The following PCAT7 variants were observed in gnomAD, a reference collection of about 807,000 sequenced individuals.
PCAT7 encodes the protein prostate cancer associated transcript 7 (non-protein coding).
At chr9:94,556,132 AACAG>A (rs1200015030) in intron 1 of PCAT7, among the ~76,000 whole-genome samples, 2 of 150,210 alleles carry the variant, frequency 1.3e-5, no homozygotes, top group East Asian at 4.0e-4. Context: ...CGATGAGGAA[AACAG>A]TTTTTGGGTA....
intron 2 of PCAT7, chr9:94,571,369 G>T: frequency 7.7e-7 from 1 of 1,297,548 alleles, no homozygotes; most frequent in Non-Finnish European, 1.0e-6. Context: ...ACAAGTATTA[G>T]GAATAACCAG....
intron 2 of PCAT7, chr9:94,567,288 C>G: frequency 1.2e-6 from 2 of 1,614,204 alleles, no homozygotes; most frequent in Non-Finnish European, 1.7e-6. Context: ...ATTTCTTTTT[C>G]TGCACATATT....
At chr9:94,555,341 T>C (rs1826992397) in intron 1 of PCAT7, 1 of 151,054 alleles carries the variant, frequency 6.6e-6, no homozygotes, top group African/African-American at 2.4e-5. Context: ...TTGGGATAGA[T>C]AGAGGTGGGT....
chr9:94,567,066 T>C (rs890475822), intron 2 of PCAT7, among the ~76,000 whole-genome samples: 1 of 152,198 alleles, frequency 6.6e-6, no homozygotes, highest in Non-Finnish European at 1.5e-5. Context: ...AATGTAAAGA[T>C]AAGTACTACC....
rs111617337 is a variant in PCAT7 at position 94,567,300 on chromosome 9, A to G, written n.442-5679A>G. ...GGAATTTCTTTTTCTGCACATATTC[A>G]GTGGTGGCCGCATCAAAATACTTGG... On this transcript the variant is annotated intron_variant and non_coding_transcript_variant, in intron 2 of 8. Transcript: ENST00000647389. 4.5e-3 allele frequency: 7,256 copies of G among 1,614,134 alleles called. 251 individuals carry two copies. The African/African-American group carries it at 0.078, about 17-fold the overall frequency.
intron 1 of PCAT7, among the ~76,000 whole-genome samples, chr9:94,557,045 C>T (rs1375182932): frequency 6.6e-6 from 1 of 152,120 alleles, no homozygotes; most frequent in Non-Finnish European, 1.5e-5. Context: ...CTATGTCTGT[C>T]TGTCTCATTC....
At chr9:94,570,398 A>G (rs905647547) in intron 2 of PCAT7, 6 of 152,178 alleles carry the variant, frequency 3.9e-5, no homozygotes, top group Non-Finnish European at 8.8e-5. Flanking sequence ...TCTACGCCTC[A>G]CTTTCCCCAT....
chr9:94,574,425 T>G (rs1484395718), intron 3 of PCAT7, among the ~76,000 whole-genome samples: 1 of 152,144 alleles, frequency 6.6e-6, no homozygotes, highest in East Asian at 1.9e-4. Context: ...GTAAAACCTT[T>G]TATATGTTTA....
chr9:94,570,124 T>TG (rs1326161946), intron 2 of PCAT7: 1 of 152,230 alleles, frequency 6.6e-6, no homozygotes, highest in East Asian at 1.9e-4. Context: ...TGCCCACCTA[T>TG]GTCCAGACTG....
At chr9:94,554,793 A>G (rs55683730), upstream of PCAT7, among the ~76,000 whole-genome samples, 5,912 of 152,150 alleles carry the variant, frequency 0.039, 373 homozygotes, top group African/African-American at 0.13. Flanking sequence ...CCAGGCTCCA[A>G]GCTCCAGGCT....
intron 2 of PCAT7, chr9:94,571,721 T>G (rs1481113480): frequency 2.2e-6 from 2 of 915,464 alleles, no homozygotes; most frequent in Non-Finnish European, 3.2e-6. Flanking sequence ...CTTTGAATTT[T>G]AAGCTGCTGC....
chr9:94,564,724 C>A (rs1587837428), intron 2 of PCAT7, among the ~76,000 whole-genome samples: 1 of 152,104 alleles, frequency 6.6e-6, no homozygotes, highest in East Asian at 1.9e-4. Context: ...AGGTTTAGTA[C>A]CTGGGAGACA....
chr9:94,555,151 A>T (rs941953798), exon 1 of PCAT7: 7 of 151,962 alleles, frequency 4.6e-5, no homozygotes, highest in Admixed American at 3.9e-4. Context: ...TTGTTTTTTT[A>T]GGTTTCCGTG....
At chr9:94,555,537 A>G (rs189869229) in intron 1 of PCAT7, among the ~76,000 whole-genome samples, 23 of 147,342 alleles carry the variant, frequency 1.6e-4, no homozygotes, top group Admixed American at 1.4e-3. Context: ...TTATGGGTGG[A>G]TGAAGGGGGA....
At chr9:94,559,898 C>T (rs1161115718) in intron 2 of PCAT7, among the ~76,000 whole-genome samples, 1 of 152,106 alleles carries the variant, frequency 6.6e-6, no homozygotes. Context: ...GAGGCCGAGG[C>T]AAAAGGATCG....
exon 1 of PCAT7, chr9:94,555,118 T>G (rs1039620874): frequency 6.6e-6 from 1 of 151,780 alleles, no homozygotes; most frequent in Non-Finnish European, 1.5e-5. Flanking sequence ...GTTACGTTTT[T>G]TTTGTTGTTG....
At chr9:94,563,616 C>T (rs1465181448) in intron 2 of PCAT7, among the ~76,000 whole-genome samples, 1 of 152,196 alleles carries the variant, frequency 6.6e-6, no homozygotes, top group African/African-American at 2.4e-5. Flanking sequence ...TATAATTGTG[C>T]ATTTCATTTA....
rs772991961 is a variant in PCAT7 at position 94,563,388 on chromosome 9, C to G, written n.441+4236C>G. The G allele has an allele frequency of 2.5e-6, 4 of 1,614,112 alleles. No homozygotes were observed. Among genetic ancestry groups the G allele is most frequent in the Non-Finnish European group, 3.4e-6 (4 of 1,180,010 alleles). On this transcript the variant is annotated intron_variant and non_coding_transcript_variant, in intron 2 of 8. Transcript: ENST00000647389. ...GTTGGCTGGGTACAGGAAGATTCCTCCATAGACCAGGGTGCGGTGCACGTC... is the reference window on the plus strand; with the variant it reads ...GTTGGCTGGGTACAGGAAGATTCCTGCATAGACCAGGGTGCGGTGCACGTC...
intron 2 of PCAT7, among the ~76,000 whole-genome samples, chr9:94,560,395 T>C (rs1442874280): frequency 1.3e-5 from 2 of 152,296 alleles, no homozygotes; most frequent in East Asian, 1.9e-4. Context: ...TCTGTGATGA[T>C]GTCATGACGC....
Sources: allele counts gnomAD v4.1 joint callset (sites outside exome capture counted in the v4.1 genomes callset), GRCh38; gene constraint gnomAD v4.1.1; transcripts MANE v1.5; gene names NCBI Gene and HGNC (gene_info 2026-07-23, HGNC 2026-07-21).